Variants in HERC1 observed in about 807,000 individuals in gnomAD.
The protein encoded by HERC1 is HECT and RLD domain containing E3 ubiquitin protein ligase family member 1, also known as probable E3 ubiquitin-protein ligase HERC1.
A neutral mutation model predicts 554.3 loss-of-function variants in HERC1; 160 were observed. The ratio of observed to expected loss-of-function variants is 0.29; its 90% CI spans 0.25 to 0.33. HERC1 has a LOEUF of 0.33. Among genes scored for constraint, HERC1 ranks in the 10% least tolerant of loss-of-function variants. The probability of loss-of-function intolerance (pLI) is 1.00; values close to 1 mark genes in which losing one functional copy is unlikely to be tolerated. For synonymous variants in HERC1, 2,175 were observed against 2,131.7 expected, an observed-to-expected ratio of 1.02 and a Z score of -0.56; for missense variants, 4,919 against 5,918.5, an observed-to-expected ratio of 0.83 and a Z score of 5.54.
intron 1 of HERC1, among the ~76,000 whole-genome samples, chr15:63,827,275 A>G (rs1376838674): frequency 2.0e-5 from 3 of 152,130 alleles, no homozygotes; most frequent in Non-Finnish European, 4.4e-5. Context: ...TCAACAAATT[A>G]GCCAGGTATA....
chr15:63,617,131 G>A (rs1246045566), intron 74 of HERC1, among the ~76,000 whole-genome samples: 1 of 151,910 alleles, frequency 6.6e-6, no homozygotes, highest in Non-Finnish European at 1.5e-5. Flanking sequence ...TTTAACATTA[G>A]GTATATCTCC....
chr15:63,623,998 A>C (rs1379359037), intron 72 of HERC1, 108 bp from the exon 73 acceptor site: 8 of 1,339,888 alleles, frequency 6.0e-6, no homozygotes, highest in Non-Finnish European at 8.3e-6. Context: ...ACAGGCAAGC[A>C]CTGTGCTAGG....
chr15:63,686,105 T>C (rs2071747384), intron 34 of HERC1, among the ~76,000 whole-genome samples: 1 of 152,190 alleles, frequency 6.6e-6, no homozygotes, highest in African/African-American at 2.4e-5. Context: ...TGACTCCTTA[T>C]GGGAGGGCTA....
intron 1 of HERC1, among the ~76,000 whole-genome samples, chr15:63,798,462 A>C (rs2076876286): frequency 6.6e-6 from 1 of 151,694 alleles, no homozygotes; most frequent in African/African-American, 2.4e-5. Context: ...AAAACCACCA[A>C]GTCATTCCAA....
Position 63,622,249 on chromosome 15 carries a change from C to T in HERC1, c.13688+566G>A, listed in dbSNP as rs781638868. On this transcript the variant is annotated intron_variant, in intron 74 of 77. Transcript: ENST00000443617. Reference sequence around the variant, plus strand: ...CATAAATCAGGTTTCATGATTAAGTCTGAGCTTCCTCTCCCCTCTATATTA... The same window carrying T: ...CATAAATCAGGTTTCATGATTAAGTTTGAGCTTCCTCTCCCCTCTATATTA... Among the ~76,000 whole-genome samples the T allele has an allele frequency of 3.3e-4, 50 of 151,540 alleles. 1 individual carries two copies. The highest frequency in any genetic ancestry group is 2.0e-4 in the Admixed American group (3 of 15,240).
Position 63,616,538 on chromosome 15 carries a change from GACACA to G in HERC1, c.13828_13832del (p.Cys4610ProfsTer25). On this transcript the variant is annotated frameshift_variant, in exon 75 of 78. Coordinates refer to ENST00000443617, the MANE Select transcript of HERC1 (RefSeq NM_003922.4). LOFTEE classifies it high-confidence loss of function. ...CCTCCAGGTCCTCTAGGGTGAGTGGGACACAGCACAGCTGCTTCCACACCAGAGGG... is the reference window on the plus strand; with the variant it reads ...CCTCCAGGTCCTCTAGGGTGAGTGGGGCACAGCTGCTTCCACACCAGAGGG... 6.2e-7 allele frequency: 1 copy of G among 1,613,998 alleles called. No individual in the cohort carries two copies. The highest frequency in any genetic ancestry group is 8.5e-7 in the Non-Finnish European group (1 of 1,179,900).
chr15:63,673,594 T>C (rs558861254), intron 38 of HERC1, among the ~76,000 whole-genome samples: 1 of 148,690 alleles, frequency 6.7e-6, no homozygotes, highest in South Asian at 2.1e-4. Context: ...TCTGCATTCA[T>C]ATTCTCCCCA....
rs200707469 is a variant in HERC1, at chr15:63,655,727, T to C, written c.10084+15A>G. On this transcript the variant is annotated intron_variant, in intron 50 of 77. Transcript: ENST00000443617. ...TCGATTAGAAGACTGTATGTTTCAGTAGTATGAAACTTACCTTTCTTTTCA... is the reference window on the plus strand; with the variant it reads ...TCGATTAGAAGACTGTATGTTTCAGCAGTATGAAACTTACCTTTCTTTTCA... 2.0e-6 allele frequency: 3 copies of C among 1,488,322 alleles called. No individual in the cohort carries two copies. In the African/African-American group the frequency reaches 4.2e-5, roughly 21 times the overall value. 92.2% of individuals were successfully genotyped at this position (1,488,322 alleles called of 1,614,324 possible).
Position 63,698,797 on chromosome 15 carries a change from T to C in HERC1, c.4836A>G (p.Pro1612=). Residue 1612 remains proline, a synonymous_variant, in exon 26 of 78, where the codon CCA becomes CCG. Coordinates refer to ENST00000443617, the MANE Select transcript of HERC1 (RefSeq NM_003922.4). Reference sequence around the variant, plus strand: ...GGGGACTTGTAGACATACTTTCCTCTGGCTCTTTAAAACCTGGGGCATTCC... The same window carrying C: ...GGGGACTTGTAGACATACTTTCCTCCGGCTCTTTAAAACCTGGGGCATTCC... The part of the protein sequence containing the change: ...DVGNAPGFKE[P]EESMSTSPQA... 3 of 1,614,002 alleles carry C rather than the reference T, an allele frequency of 1.9e-6. No homozygotes were observed. Among genetic ancestry groups the C allele is most frequent in the East Asian group, 4.5e-5 (2 of 44,872 alleles).
chr15:63,661,315 C>A (rs1404651437), intron 45 of HERC1, among the ~76,000 whole-genome samples: 1 of 151,932 alleles, frequency 6.6e-6, no homozygotes, highest in African/African-American at 2.4e-5. Context: ...TAATAGTTGA[C>A]AATTAAGGGC....
chr15:63,651,385 A>G lies in HERC1; in HGVS notation c.10419-5T>C, dbSNP rs914744192. ...CTTTCCTCAGCATCCCCTTCCCTAG[A>G]ATATAACAGACAGATATGCAGTTCT... On this transcript the variant is annotated splice_polypyrimidine_tract_variant and splice_region_variant and intron_variant, in intron 52 of 77. Coordinates refer to ENST00000443617, the MANE Select transcript of HERC1 (RefSeq NM_003922.4). The G allele has an allele frequency of 6.2e-7, 1 of 1,611,252 alleles. No homozygotes were observed. Among genetic ancestry groups the G allele is most frequent in the African/African-American group, 1.3e-5 (1 of 74,742 alleles).
At chr15:63,747,907 T>G in intron 10 of HERC1, 49 bp from the exon 11 acceptor site, 1 of 1,501,388 alleles carries the variant, frequency 6.7e-7, no homozygotes, top group Non-Finnish European at 8.9e-7. Flanking sequence ...AATGAAATTT[T>G]TATGCACGAT....
chr15:63,826,059 C>T (rs1004311528), intron 1 of HERC1, among the ~76,000 whole-genome samples: 2 of 152,028 alleles, frequency 1.3e-5, no homozygotes, highest in African/African-American at 2.4e-5. Context: ...CCACCACGCC[C>T]GGCCAAATAA....
chr15:63,818,215 T>A (rs576162061), intron 1 of HERC1, among the ~76,000 whole-genome samples: 2 of 152,122 alleles, frequency 1.3e-5, no homozygotes, highest in Non-Finnish European at 2.9e-5. Context: ...AGAAAAAAAA[T>A]TGCAGACAAT....
At chr15:63,668,348 C>T (rs115013514) in intron 40 of HERC1, among the ~76,000 whole-genome samples, 4,606 of 152,152 alleles carry the variant, frequency 0.03, 228 homozygotes, top group African/African-American at 0.1. Context: ...CAGAAATTAG[C>T]TGGGTGTGGT....
rs780844568 is a variant in HERC1, at chr15:63,658,532, A to G, written c.9599+12T>C. On this transcript the variant is annotated intron_variant, in intron 48 of 77. Coordinates refer to ENST00000443617, the MANE Select transcript of HERC1 (RefSeq NM_003922.4). The stretch of plus-strand genomic sequence containing the variant: ...GTTAACTTAGCATCATGTGACATAA[A>G]ATAACACTTACCTGACTGAGAGAAG... The G allele has an allele frequency of 1.3e-6, 2 of 1,599,552 alleles. No individual in the cohort carries two copies. The highest frequency in any genetic ancestry group is 1.7e-6 in the Non-Finnish European group (2 of 1,169,850).
chr15:63,641,545 C>T lies in HERC1; in HGVS notation c.11532G>A (p.Leu3844=), dbSNP rs774051498. 2.5e-6 allele frequency: 4 copies of T among 1,612,788 alleles called. No individual in the cohort carries two copies. The highest frequency in any genetic ancestry group is 3.4e-6 in the Non-Finnish European group (4 of 1,179,356). The change falls in exon 60 of 78, where the codon TTG becomes TTA. Residue 3844 remains leucine (L), a synonymous_variant. Transcript: ENST00000443617. ...TALKQQGVLG[L]NMAPCMRAFL... ...ATGCTCTCATGCAGGGAGCCATGTT[C>T]AATCCCAGAACACCCTGCTGTTTCA...
chr15:63,820,584 A>G (rs1042228198), intron 1 of HERC1, among the ~76,000 whole-genome samples: 2 of 152,264 alleles, frequency 1.3e-5, no homozygotes, highest in African/African-American at 4.8e-5. Flanking sequence ...CTAAGGTCTT[A>G]AAATACGGCA....
chr15:63,719,081 T>A (rs926786007), intron 19 of HERC1, among the ~76,000 whole-genome samples, 184 bp from the exon 20 acceptor site: 1 of 152,304 alleles, frequency 6.6e-6, no homozygotes, highest in South Asian at 2.1e-4. Flanking sequence ...TGAACAAAAC[T>A]AAATCCCTGA....
Sources: allele counts gnomAD v4.1 joint callset (sites outside exome capture counted in the v4.1 genomes callset), GRCh38; gene constraint gnomAD v4.1.1; transcripts MANE v1.5; gene names NCBI Gene and HGNC (gene_info 2026-07-23, HGNC 2026-07-21).